TMEM106B: variants seen among roughly 807,000 people sequenced by gnomAD.
The protein encoded by TMEM106B is transmembrane protein 106B.
TMEM106B carries 15 observed loss-of-function variants against 31.1 expected under a neutral mutation model. The ratio of observed to expected loss-of-function variants is 0.48; its 90% CI spans 0.32 to 0.74. TMEM106B has a LOEUF of 0.74. TMEM106B is among the 30% of genes least tolerant of loss of function. The pLI is 0.03. For missense variants in TMEM106B, 283 were observed against 327.3 expected (o/e 0.86, Z 1.04); for synonymous variants, 126 against 112.5 (o/e 1.12, Z -0.76).
At position 12,213,027 on chromosome 7, in the gene TMEM106B, A is replaced by G. The variant is rs929745353; in HGVS notation, c.-3+1602A>G. ...GGAAAATACCAGCAGGGTGTATTAT[A>G]TGACTGTTAAGTTCTTTTCAGCTTT... On this transcript the variant is annotated intron_variant, in intron 1 of 7. Transcript: ENST00000396668. Among the ~76,000 whole-genome samples the G allele has an allele frequency of 7.2e-5, 11 of 152,308 alleles. No homozygotes were observed. The East Asian group carries it at 2.1e-3, about 29-fold the overall frequency.
Position 12,230,573 on chromosome 7 carries a change from C to T in TMEM106B, c.632+135C>T, listed in dbSNP as rs1583220806. On this transcript the variant is annotated intron_variant, in intron 6 of 7. Transcript: ENST00000396668. The stretch of plus-strand genomic sequence containing the variant: ...ATTATGTAGTATTCTGGCTTCTGGT[C>T]CTCTCTGTTCCTCTTTTTCAACATA... 5 of 551,104 alleles carry T rather than the reference C, an allele frequency of 9.1e-6. No homozygotes were observed. In the South Asian group the frequency reaches 1.4e-4, roughly 16 times the overall value. The allele number at this position is 551,104 out of a possible 1,614,324, so 34.1% of individuals were successfully genotyped here.
At chr7:12,221,483 T>C (rs1186855368) in intron 3 of TMEM106B, among the ~76,000 whole-genome samples, 1 of 152,176 alleles carries the variant, frequency 6.6e-6, no homozygotes, top group Non-Finnish European at 1.5e-5. Context: ...TTTTCCACTT[T>C]TGACCCAAAT....
chr7:12,240,342 C>CTTTTTCTGAATGT lies in TMEM106B; in HGVS notation c.*8383_*8395dup, dbSNP rs764362119. 2 of 152,142 alleles carry CTTTTTCTGAATGT rather than the reference C, an allele frequency of 1.3e-5. No individual in the cohort carries two copies. Among genetic ancestry groups the CTTTTTCTGAATGT allele is most frequent in the African/African-American group, 4.8e-5 (2 of 41,436 alleles). The allele number at this position is 152,142 out of a possible 1,614,324, so 9.4% of individuals were successfully genotyped here. On this transcript the variant is annotated 3_prime_UTR_variant, in exon 8 of 8. Transcript: ENST00000396668. ...TAAACTTACTCAAACACTTGGTGAA[C>CTTTTTCTGAATGT]TTTTTCTGAATGTTTTTTCTGAATG...
In TMEM106B at chr7:12,236,923, A is replaced by G. The variant is rs1782149332; in HGVS notation, c.*4948A>G. ...GCTTGCTCACTTGATTGACTTGGTCAGATATTTGAATGATGGTATTACCTA... is the reference window on the plus strand; with the variant it reads ...GCTTGCTCACTTGATTGACTTGGTCGGATATTTGAATGATGGTATTACCTA... On this transcript the variant is annotated 3_prime_UTR_variant, in exon 8 of 8. Transcript: ENST00000396668. The G allele has an allele frequency of 6.6e-6, 1 of 152,090 alleles. No homozygotes were observed. Among genetic ancestry groups the G allele is most frequent in the African/African-American group, 2.4e-5 (1 of 41,448 alleles). 9.4% of individuals were successfully genotyped at this position (152,090 alleles called of 1,614,324 possible). A position where few individuals can be genotyped will look rare whatever the true frequency, so the allele number is the denominator to read the frequency against.
Position 12,233,802 on chromosome 7 carries a change from A to AT in TMEM106B, c.*1828dup, listed in dbSNP as rs1352985568. ...CTCATTTTCTCATTTGACATGATCT[A>AT]TGTCTATATATGATATAGGTCCCCT... On this transcript the variant is annotated 3_prime_UTR_variant, in exon 8 of 8. Coordinates refer to ENST00000396668, the MANE Select transcript of TMEM106B (RefSeq NM_001134232.2). 3 of 151,158 alleles carry AT rather than the reference A, an allele frequency of 2.0e-5. No homozygotes were observed. Among genetic ancestry groups the AT allele is most frequent in the Non-Finnish European group, 3.0e-5 (2 of 67,598 alleles). The allele number at this position is 151,158 out of a possible 1,614,324, so 9.4% of individuals were successfully genotyped here.
chr7:12,215,960 T>C (rs1227130468), intron 2 of TMEM106B, among the ~76,000 whole-genome samples: 3 of 152,168 alleles, frequency 2.0e-5, no homozygotes, highest in Non-Finnish European at 4.4e-5. Context: ...CTGTTCTCAT[T>C]ATCTTCTTGG....
chr7:12,224,003 G>C (rs1046603742), intron 3 of TMEM106B, among the ~76,000 whole-genome samples: 3 of 152,116 alleles, frequency 2.0e-5, no homozygotes, highest in Admixed American at 2.0e-4. Context: ...ACAGGCGTGA[G>C]CCACCGCATC....
rs189166222 is a variant in TMEM106B at position 12,226,456 on chromosome 7, C to T, written c.441+2071C>T. Reference sequence around the variant, plus strand: ...TGTTAACGTTTGTTTGAAAAGAGCACGGTTTGCTAACTATTGAATTAGGAA... The same window carrying T: ...TGTTAACGTTTGTTTGAAAAGAGCATGGTTTGCTAACTATTGAATTAGGAA... On this transcript the variant is annotated intron_variant, in intron 4 of 7. Coordinates refer to ENST00000396668, the MANE Select transcript of TMEM106B (RefSeq NM_001134232.2). 1.6e-4 allele frequency among the ~76,000 whole-genome samples: 25 copies of T among 152,184 alleles called. No homozygotes were observed. The East Asian group carries it at 3.7e-3, about 22-fold the overall frequency.
intron 4 of TMEM106B, among the ~76,000 whole-genome samples, chr7:12,224,917 TGCA>T (rs1781868252): frequency 1.3e-5 from 2 of 152,030 alleles, no homozygotes; most frequent in Admixed American, 6.6e-5. Context: ...GTGCACAGCA[TGCA>T]GGTTTGTTAC....
At position 12,215,022 on chromosome 7, in the gene TMEM106B, C is replaced by G. The variant is rs1781659496; in HGVS notation, c.212C>G (p.Pro71Arg). 1 of 1,612,922 alleles carries G rather than the reference C, an allele frequency of 6.2e-7. No individual in the cohort carries two copies. Among genetic ancestry groups the G allele is most frequent in the Non-Finnish European group, 8.5e-7 (1 of 1,179,358 alleles). Residue 71 changes from proline (P) to arginine (R), a missense_variant, in exon 2 of 8, where the codon CCT becomes CGT. Around this residue, in one of 3 missense-constraint regions of TMEM106B, gnomAD observed 77 missense variants for 89.4 expected, o/e 0.86. Coordinates refer to ENST00000396668, the MANE Select transcript of TMEM106B (RefSeq NM_001134232.2). Reference protein sequence around the residue: ...CPTCQGTGRIPRGQENQLVAL... With the variant: ...CPTCQGTGRIRRGQENQLVAL... ...ACTTGTCAGGGAACAGGAAGAATTCCTAGGGGTATGTGTTATTGTATTGTT... is the reference window on the plus strand; with the variant it reads ...ACTTGTCAGGGAACAGGAAGAATTCGTAGGGGTATGTGTTATTGTATTGTT...
rs3800842 is a variant in TMEM106B at position 12,231,826 on chromosome 7, A to G, written c.687-11A>G. 898,396 of 1,578,848 alleles carry G rather than the reference A, an allele frequency of 0.57. 258,655 individuals carry two copies. The highest frequency in any genetic ancestry group is 0.75 in the African/African-American group (55,989 of 74,222). ...CTATTAAATGTCTCTCCTCACTTAC[A>G]TTATTTTTAGAGTTACTGTGACAAC... On this transcript the variant is annotated splice_polypyrimidine_tract_variant and intron_variant, in intron 7 of 7. Coordinates refer to ENST00000396668, the MANE Select transcript of TMEM106B (RefSeq NM_001134232.2).
intron 4 of TMEM106B, among the ~76,000 whole-genome samples, chr7:12,227,887 G>A (rs548992471): frequency 1.3e-5 from 2 of 151,638 alleles, no homozygotes; most frequent in Admixed American, 6.6e-5. Flanking sequence ...TTCTCAACCT[G>A]TATTACATCA....
At position 12,219,657 on chromosome 7, in the gene TMEM106B, G is replaced by C. The variant is rs115980432; in HGVS notation, c.281+1136G>C. On this transcript the variant is annotated intron_variant, in intron 3 of 7. Transcript: ENST00000396668. ...ACTAAACAATGGGAGTATGTGCAAA[G>C]AGAATTTACAGACCTCTGGAAAGAA... is the stretch of plus-strand genomic sequence containing the variant. Among the ~76,000 whole-genome samples the C allele has an allele frequency of 7.0e-3, 1,070 of 152,182 alleles. 22 individuals are homozygous for C. Among genetic ancestry groups the C allele is most frequent in the African/African-American group, 0.025 (1,039 of 41,544 alleles).
At chr7:12,229,519 C>T (rs551375868) in intron 4 of TMEM106B, among the ~76,000 whole-genome samples, 160 bp from the exon 5 acceptor site, 9 of 152,062 alleles carry the variant, frequency 5.9e-5, no homozygotes, top group Admixed American at 2.0e-4. Flanking sequence ...AGTACTCGTG[C>T]ATAAAACCAA....
rs1782113070 is a variant in TMEM106B at position 12,235,439 on chromosome 7, C to CT, written c.*3465dup. 1 of 151,880 alleles carries CT rather than the reference C, an allele frequency of 6.6e-6. No homozygotes were observed. The highest frequency in any genetic ancestry group is 2.1e-4 in the South Asian group (1 of 4,826). 9.4% of individuals were successfully genotyped at this position (151,880 alleles called of 1,614,324 possible). On this transcript the variant is annotated 3_prime_UTR_variant, in exon 8 of 8. Coordinates refer to ENST00000396668, the MANE Select transcript of TMEM106B (RefSeq NM_001134232.2). ...TAGGCCAGTGAAGCAATTATTTTCT[C>CT]TAAGAAAATGACAATAAAATATAAC...
At position 12,238,800 on chromosome 7, in the gene TMEM106B, T is replaced by G. The variant is rs1446669714; in HGVS notation, c.*6825T>G. The G allele has an allele frequency of 6.6e-6, 1 of 152,126 alleles. No homozygotes were observed. The highest frequency in any genetic ancestry group is 1.5e-5 in the Non-Finnish European group (1 of 68,030). The allele number at this position is 152,126 out of a possible 1,614,324, so 9.4% of individuals were successfully genotyped here. On this transcript the variant is annotated 3_prime_UTR_variant, in exon 8 of 8. Coordinates refer to ENST00000396668, the MANE Select transcript of TMEM106B (RefSeq NM_001134232.2). Reference sequence around the variant, plus strand: ...AGGTCTCAACAATGGGCTTAAAATATTCAGTGAACCGTGTTGTAAACAGAT... The same window carrying G: ...AGGTCTCAACAATGGGCTTAAAATAGTCAGTGAACCGTGTTGTAAACAGAT...
At chr7:12,222,414 G>A (rs1056991870) in intron 3 of TMEM106B, among the ~76,000 whole-genome samples, 14 of 152,024 alleles carry the variant, frequency 9.2e-5, no homozygotes, top group Admixed American at 2.6e-4. Context: ...GGCTACAAAC[G>A]TGGTATACAG....
intron 3 of TMEM106B, among the ~76,000 whole-genome samples, chr7:12,221,285 C>T (rs150018443): frequency 7.2e-5 from 11 of 152,190 alleles, no homozygotes; most frequent in Admixed American, 6.5e-5. Context: ...CTATAAATGT[C>T]GGGAGTTGTG....
At chr7:12,218,625 T>C (rs1781732370) in intron 3 of TMEM106B, 104 bp downstream of exon 3, 1 of 884,724 alleles carries the variant, frequency 1.1e-6, no homozygotes, top group Non-Finnish European at 1.7e-6. Flanking sequence ...AAAGAAAAAA[T>C]GCTGTCACGT....
Sources: gnomAD v4.1 joint callset for allele counts (sites outside exome capture counted in the v4.1 genomes callset) on GRCh38, gnomAD v4.1.1 for gene constraint, gnomAD v4.1.1 regional missense constraint, MANE v1.5 for transcripts, NCBI Gene and HGNC (gene_info 2026-07-23, HGNC 2026-07-21) for gene names.